ZNF280D: variants seen among roughly 807,000 people sequenced by gnomAD.
ZNF280D encodes suppressor of hairy wing homolog 4.
Under a neutral mutation model 94.7 loss-of-function variants are expected in ZNF280D, and 39 were observed. The ratio of observed to expected loss-of-function variants is 0.41; its 90% CI spans 0.32 to 0.54. The LOEUF is 0.54. Ranked by LOEUF, ZNF280D falls within the 20% of genes least tolerant of loss-of-function variation. The pLI is 0.22. For synonymous variants in ZNF280D, 398 were observed against 377.6 expected, an observed-to-expected ratio of 1.05 and a Z score of -0.63; for missense variants, 1,090 against 1,149.3, an observed-to-expected ratio of 0.95 and a Z score of 0.75.
At chr15:56,659,658 C>T (rs1298952772) in intron 16 of ZNF280D, among the ~76,000 whole-genome samples, 3 of 151,876 alleles carry the variant, frequency 2.0e-5, no homozygotes, top group Admixed American at 6.6e-5. Flanking sequence ...ATATATACCC[C>T]AGCAGATAAG....
intron 14 of ZNF280D, among the ~76,000 whole-genome samples, chr15:56,667,207 T>C (rs1309022650): frequency 6.6e-5 from 10 of 152,204 alleles, no homozygotes; most frequent in Non-Finnish European, 1.5e-4. Flanking sequence ...ATCAGTTATA[T>C]GTTAACACAG....
intron 19 of ZNF280D, chr15:56,653,297 GTCATAACTGAC>G (rs2053318820): frequency 8.2e-7 from 1 of 1,213,362 alleles, no homozygotes. Flanking sequence ...GCTTTTCTTG[GTCATAACTGAC>G]TCATAAGCTT....
At chr15:56,717,760 A>G (rs2058124159) in intron 1 of ZNF280D, among the ~76,000 whole-genome samples, 1 of 152,260 alleles carries the variant, frequency 6.6e-6, no homozygotes, top group Non-Finnish European at 1.5e-5. Context: ...AACAAAACTT[A>G]GTAGAGGAGC....
At chr15:56,730,239 A>C (rs2058822204) in intron 1 of ZNF280D, 1 of 152,242 alleles carries the variant, frequency 6.6e-6, no homozygotes, top group African/African-American at 2.4e-5. Flanking sequence ...TATTTAAATC[A>C]CTATTTAAAG....
chr15:56,694,307 AC>A (rs2056608625), intron 6 of ZNF280D, among the ~76,000 whole-genome samples: 2 of 99,400 alleles, frequency 2.0e-5, no homozygotes, highest in Non-Finnish European at 4.3e-5. Context: ...ACACACACAC[AC>A]ACACACACAC....
At chr15:56,653,779 A>G in intron 19 of ZNF280D, 1 of 1,264,088 alleles carries the variant, frequency 7.9e-7, no homozygotes, top group Non-Finnish European at 9.9e-7. Flanking sequence ...AACAAAAATT[A>G]TTGTAAGCAA....
At chr15:56,732,603 ATTTTT>A (rs1273528041) in intron 1 of ZNF280D, 1 of 147,526 alleles carries the variant, frequency 6.8e-6, no homozygotes, top group Non-Finnish European at 1.5e-5. Context: ...AAGATGACAG[ATTTTT>A]TTTTTTTTAA....
At chr15:56,716,607 C>A (rs1204793794) in intron 1 of ZNF280D, among the ~76,000 whole-genome samples, 2 of 151,396 alleles carry the variant, frequency 1.3e-5, no homozygotes, top group African/African-American at 4.8e-5. Context: ...TTAAGAAATT[C>A]TGTCCTTATC....
intron 1 of ZNF280D, 54 bp from the exon 2 acceptor site, chr15:56,707,360 A>G (rs930935876): frequency 1.4e-6 from 2 of 1,436,726 alleles, no homozygotes; most frequent in Non-Finnish European, 1.9e-6. Flanking sequence ...TTAGATGTAT[A>G]CATATTTAAT....
At chr15:56,709,178 C>T (rs2057603176) in intron 1 of ZNF280D, among the ~76,000 whole-genome samples, 1 of 152,102 alleles carries the variant, frequency 6.6e-6, no homozygotes, top group Non-Finnish European at 1.5e-5. Context: ...AACAAAGAAC[C>T]TCATCAAAAA....
intron 21 of ZNF280D, among the ~76,000 whole-genome samples, chr15:56,633,345 C>A (rs1026157334): frequency 6.6e-6 from 1 of 152,038 alleles, no homozygotes; most frequent in African/African-American, 2.4e-5. Flanking sequence ...TATTGATTAA[C>A]AATATACTTT....
intron 19 of ZNF280D, chr15:56,653,745 C>CCTG: frequency 7.7e-7 from 1 of 1,301,352 alleles, no homozygotes. Flanking sequence ...ATCTATTATT[C>CCTG]TGAAGGCAAG....
intron 6 of ZNF280D, among the ~76,000 whole-genome samples, chr15:56,695,359 C>T (rs2056682002): frequency 6.6e-6 from 1 of 152,148 alleles, no homozygotes; most frequent in Middle Eastern, 3.4e-3. Context: ...AGGGGTAAGC[C>T]ACTATGCCCA....
At chr15:56,694,553 T>C (rs1424055488) in intron 6 of ZNF280D, among the ~76,000 whole-genome samples, 1 of 152,068 alleles carries the variant, frequency 6.6e-6, no homozygotes, top group Non-Finnish European at 1.5e-5. Flanking sequence ...ATGAACAACA[T>C]ATACGAAATA....
At chr15:56,725,237 T>C (rs1192710977) in intron 1 of ZNF280D, among the ~76,000 whole-genome samples, 1 of 151,906 alleles carries the variant, frequency 6.6e-6, no homozygotes, top group African/African-American at 2.4e-5. Context: ...CTCAAAGGCA[T>C]TCAGTTAATA....
intron 1 of ZNF280D, among the ~76,000 whole-genome samples, chr15:56,725,577 G>A (rs2058590054): frequency 6.6e-6 from 1 of 152,140 alleles, no homozygotes; most frequent in Middle Eastern, 3.4e-3. Context: ...CTCTTCTGTT[G>A]AAGAAAATAC....
Position 56,630,386 on chromosome 15 carries a change from T to A in ZNF280D, c.*1112A>T, listed in dbSNP as rs1157362613. The A allele has an allele frequency of 6.6e-6, 1 of 152,184 alleles. No individual in the cohort carries two copies. The highest frequency in any genetic ancestry group is 1.9e-4 in the East Asian group (1 of 5,208). The allele number at this position is 152,184 out of a possible 1,614,324, so 9.4% of individuals were successfully genotyped here. A position where few individuals can be genotyped will look rare whatever the true frequency, so the allele number is the denominator to read the frequency against. ...CTGTTCTTCATATTATTCATTTCTA[T>A]ATCTATTATATTCTAGATGATAAAA... On this transcript the variant is annotated 3_prime_UTR_variant, in exon 22 of 22. Coordinates refer to ENST00000267807, the MANE Select transcript of ZNF280D (RefSeq NM_017661.4).
At chr15:56,715,032 G>C (rs116842543) in intron 1 of ZNF280D, among the ~76,000 whole-genome samples, 5,553 of 152,092 alleles carry the variant, frequency 0.037, 351 homozygotes, top group Admixed American at 0.16. Flanking sequence ...GTACAGCAGA[G>C]GTTCTTGATA....
In ZNF280D at chr15:56,667,017, G is replaced by C. The variant is rs2054336480; in HGVS notation, c.1546-31C>G. The stretch of plus-strand genomic sequence containing the variant: ...AAAATAAAGAGAAGATTTGCTTTAA[G>C]AGATTAATCAGTACATTAATATTAA... On this transcript the variant is annotated intron_variant, in intron 14 of 21. Coordinates refer to ENST00000267807, the MANE Select transcript of ZNF280D (RefSeq NM_017661.4). 5.4e-6 allele frequency: 8 copies of C among 1,475,814 alleles called. No individual in the cohort carries two copies. The Admixed American group carries it at 2.1e-4, about 38-fold the overall frequency. 91.4% of individuals were successfully genotyped at this position (1,475,814 alleles called of 1,614,324 possible).
Sources: allele counts gnomAD v4.1 joint callset (sites outside exome capture counted in the v4.1 genomes callset), GRCh38; gene constraint gnomAD v4.1.1; transcripts MANE v1.5; gene names NCBI Gene and HGNC (gene_info 2026-07-23, HGNC 2026-07-21).